Variants in SORCS3 observed in about 807,000 individuals in gnomAD.
The protein encoded by SORCS3 is VPS10 domain-containing receptor SorCS3.
In SORCS3, 57 loss-of-function variants were observed where a neutral mutation model predicts 146.3. That is an observed-to-expected ratio of 0.39 (90% CI 0.31 to 0.49). The LOEUF (loss-of-function observed/expected upper bound fraction) is 0.49, where lower values mean the gene tolerates loss of function less well. SORCS3 is among the 20% of genes least tolerant of loss of function. The pLI, the probability that SORCS3 is intolerant of heterozygous loss-of-function variation, is 0.92. For missense variants in SORCS3, 1,341 were observed against 1,575.5 expected (o/e 0.85, Z 2.52); for synonymous variants, 653 against 618.5 (o/e 1.06, Z -0.83).
chr10:105,201,291 G>A (rs1226115675), intron 16 of SORCS3, 38 bp downstream of exon 16: 2 of 1,584,026 alleles, frequency 1.3e-6, no homozygotes, highest in Admixed American at 3.6e-5. Flanking sequence ...TTCCAACCAG[G>A]TCTTCACCTG....
intron 1 of SORCS3, among the ~76,000 whole-genome samples, chr10:104,733,867 T>C (rs1469594865): frequency 2.0e-5 from 3 of 152,144 alleles, no homozygotes; most frequent in Admixed American, 6.5e-5. Context: ...CTGTTCTTTT[T>C]TCAGCATCCC....
chr10:105,083,003 T>A (rs2055635713), intron 5 of SORCS3, among the ~76,000 whole-genome samples: 1 of 152,108 alleles, frequency 6.6e-6, no homozygotes, highest in African/African-American at 2.4e-5. Flanking sequence ...GCTCCCAAAG[T>A]GCTGGGATTA....
At chr10:104,845,157 T>C (rs1361281114) in intron 2 of SORCS3, among the ~76,000 whole-genome samples, 1 of 152,200 alleles carries the variant, frequency 6.6e-6, no homozygotes, top group African/African-American at 2.4e-5. Context: ...ATAGGTCACC[T>C]AATCATGAGG....
intron 1 of SORCS3, among the ~76,000 whole-genome samples, chr10:104,675,544 ATTTGT>A (rs1232744664): frequency 6.6e-6 from 1 of 152,018 alleles, no homozygotes; most frequent in Admixed American, 6.6e-5. Context: ...TTCTTCCAGA[ATTTGT>A]TTTATGTGTT....
At chr10:105,116,410 C>T (rs1167632484) in intron 7 of SORCS3, among the ~76,000 whole-genome samples, 1 of 152,162 alleles carries the variant, frequency 6.6e-6, no homozygotes, top group African/African-American at 2.4e-5. Context: ...CAACAGGAAT[C>T]CAAAGCTGGT....
chr10:105,255,129 C>T (rs1298204898), intron 23 of SORCS3, among the ~76,000 whole-genome samples: 1 of 129,964 alleles, frequency 7.7e-6, no homozygotes, highest in Non-Finnish European at 1.6e-5. Context: ...GCGGAGCCTG[C>T]GGTGAGCCGA....
intron 4 of SORCS3, among the ~76,000 whole-genome samples, chr10:105,014,052 C>A (rs915923013): frequency 2.1e-5 from 3 of 145,582 alleles, no homozygotes; most frequent in Non-Finnish European, 3.0e-5. Context: ...GAGACCCCAG[C>A]ACAGATCTAA....
intron 4 of SORCS3, among the ~76,000 whole-genome samples, chr10:105,024,944 C>T (rs1008309016): frequency 2.6e-5 from 4 of 152,138 alleles, no homozygotes; most frequent in African/African-American, 9.7e-5. Flanking sequence ...TTTATACTTT[C>T]TTTATTTCCC....
intron 1 of SORCS3, among the ~76,000 whole-genome samples, chr10:104,688,598 C>T (rs779084134): frequency 6.6e-5 from 10 of 152,196 alleles, no homozygotes; most frequent in Non-Finnish European, 1.2e-4. Flanking sequence ...GATTGTTCGG[C>T]CTCAACTCCA....
intron 14 of SORCS3, among the ~76,000 whole-genome samples, chr10:105,187,549 C>G (rs2056486353): frequency 6.6e-6 from 1 of 152,188 alleles, no homozygotes; most frequent in Admixed American, 6.5e-5. Flanking sequence ...CAACTATGCT[C>G]TTTCTACTTT....
At chr10:105,087,191 T>G (rs1022654516) in intron 5 of SORCS3, among the ~76,000 whole-genome samples, 4 of 152,154 alleles carry the variant, frequency 2.6e-5, no homozygotes, top group African/African-American at 7.2e-5. Flanking sequence ...AGGGAATCCT[T>G]TCTCATTGCT....
chr10:105,186,540 A>G (rs2056477734), intron 14 of SORCS3, among the ~76,000 whole-genome samples: 1 of 152,110 alleles, frequency 6.6e-6, no homozygotes, highest in Non-Finnish European at 1.5e-5. Context: ...TTAATGACAT[A>G]AGAAAACACA....
chr10:104,845,723 G>A (rs563320930), intron 2 of SORCS3, among the ~76,000 whole-genome samples: 1 of 152,184 alleles, frequency 6.6e-6, no homozygotes, highest in Non-Finnish European at 1.5e-5. Context: ...CCTTGTGCTA[G>A]TTGGGAGGAA....
chr10:105,061,684 G>A (rs2055488637), intron 5 of SORCS3, among the ~76,000 whole-genome samples: 1 of 151,172 alleles, frequency 6.6e-6, no homozygotes, highest in African/African-American at 2.4e-5. Flanking sequence ...TGTTCAGGAG[G>A]TTTAGGAGCT....
intron 3 of SORCS3, among the ~76,000 whole-genome samples, chr10:104,966,501 A>G (rs961337815): frequency 6.6e-6 from 1 of 152,050 alleles, no homozygotes; most frequent in Admixed American, 6.6e-5. Context: ...TTCTTTTTTT[A>G]TATTTAGAGA....
chr10:105,248,307 G>C (rs959345087), intron 22 of SORCS3, among the ~76,000 whole-genome samples: 1 of 152,168 alleles, frequency 6.6e-6, no homozygotes, highest in African/African-American at 2.4e-5. Context: ...TGAAGACTTG[G>C]CACAGATTTG....
At chr10:104,889,407 G>T (rs1041172666) in intron 2 of SORCS3, among the ~76,000 whole-genome samples, 2 of 144,432 alleles carry the variant, frequency 1.4e-5, no homozygotes, top group Non-Finnish European at 3.0e-5. Flanking sequence ...CTTTATTTTC[G>T]ATCTGTCCTA....
chr10:104,875,082 C>G (rs750837233), intron 2 of SORCS3, among the ~76,000 whole-genome samples: 1 of 152,082 alleles, frequency 6.6e-6, no homozygotes, highest in Non-Finnish European at 1.5e-5. Flanking sequence ...TTACTCTCCT[C>G]GAGTCACATG....
At chr10:104,914,271 T>C (rs945789013) in intron 2 of SORCS3, among the ~76,000 whole-genome samples, 1 of 152,160 alleles carries the variant, frequency 6.6e-6, no homozygotes, top group Non-Finnish European at 1.5e-5. Context: ...AAACAGAGCA[T>C]AGAGAAATCA....
Sources: gnomAD v4.1 joint callset for allele counts (sites outside exome capture counted in the v4.1 genomes callset) on GRCh38, gnomAD v4.1.1 for gene constraint, MANE v1.5 for transcripts, NCBI Gene and HGNC (gene_info 2026-07-23, HGNC 2026-07-21) for gene names.